Variants in IMMP2L observed in about 807,000 individuals in gnomAD.
IMMP2L encodes the protein mitochondrial inner membrane protease subunit 2.
In IMMP2L, 18 loss-of-function variants were observed where a neutral mutation model predicts 19.3. The observed-to-expected ratio is 0.93, with a 90% CI of 0.64 to 1.38. IMMP2L has a LOEUF of 1.38. Ranked by LOEUF, IMMP2L falls within the 40% of genes most tolerant of loss-of-function variation. IMMP2L has a pLI of 0.00. For missense variants in IMMP2L, 233 were observed against 218.2 expected, an observed-to-expected ratio of 1.07 and a Z score of -0.43; for synonymous variants, 76 against 73.0, an observed-to-expected ratio of 1.04 and a Z score of -0.21.
At chr7:111,059,449 A>G (rs1793811989) in intron 3 of IMMP2L, among the ~76,000 whole-genome samples, 1 of 152,218 alleles carries the variant, frequency 6.6e-6, no homozygotes, top group African/African-American at 2.4e-5. Flanking sequence ...AGGGAAAAGT[A>G]AGCATTTTCC....
intron 3 of IMMP2L, among the ~76,000 whole-genome samples, chr7:111,076,777 A>C (rs1332954441): frequency 6.6e-6 from 1 of 152,108 alleles, no homozygotes; most frequent in Non-Finnish European, 1.5e-5. Flanking sequence ...TTGTTTACTT[A>C]ATGCACCTAC....
intron 3 of IMMP2L, among the ~76,000 whole-genome samples, chr7:111,484,786 G>C (rs1842485210): frequency 6.6e-6 from 1 of 152,046 alleles, no homozygotes; most frequent in Non-Finnish European, 1.5e-5. Context: ...TTCATCATAA[G>C]ACTAAAAAGA....
chr7:110,704,747 T>C (rs1461971721), intron 5 of IMMP2L, among the ~76,000 whole-genome samples: 2 of 152,196 alleles, frequency 1.3e-5, no homozygotes, highest in Non-Finnish European at 2.9e-5. Flanking sequence ...TCAGGAAAAG[T>C]AAACTCAGAA....
intron 5 of IMMP2L, among the ~76,000 whole-genome samples, chr7:110,702,167 T>C (rs997122366): frequency 6.6e-6 from 1 of 152,010 alleles, no homozygotes. Flanking sequence ...ACTCCTGGAC[T>C]CAAGTGATCC....
At chr7:111,473,559 A>G (rs1304648719) in intron 3 of IMMP2L, among the ~76,000 whole-genome samples, 2 of 152,182 alleles carry the variant, frequency 1.3e-5, no homozygotes, top group African/African-American at 4.8e-5. Context: ...AGCTACAGAG[A>G]ATCACTGCTC....
intron 4 of IMMP2L, among the ~76,000 whole-genome samples, chr7:110,938,451 G>A (rs1044740229): frequency 2.6e-5 from 4 of 152,168 alleles, no homozygotes; most frequent in African/African-American, 9.7e-5. Context: ...AGACTGGACA[G>A]GAAACACATT....
At chr7:111,208,414 TTTAAA>T (rs1810954571) in intron 3 of IMMP2L, among the ~76,000 whole-genome samples, 1 of 152,210 alleles carries the variant, frequency 6.6e-6, no homozygotes, top group Non-Finnish European at 1.5e-5. Flanking sequence ...TAATAGACCC[TTTAAA>T]TTATTTTATT....
intron 5 of IMMP2L, among the ~76,000 whole-genome samples, chr7:110,820,376 T>G (rs1802914992): frequency 6.6e-6 from 1 of 151,978 alleles, no homozygotes; most frequent in Non-Finnish European, 1.5e-5. Context: ...CAAGAAAATC[T>G]CTTCTTATGT....
At chr7:111,242,770 G>C (rs894474560) in intron 3 of IMMP2L, among the ~76,000 whole-genome samples, 5 of 151,812 alleles carry the variant, frequency 3.3e-5, no homozygotes, top group Non-Finnish European at 7.4e-5. Flanking sequence ...GATTAAAAAA[G>C]AGAAATTCTG....
chr7:111,456,760 T>A (rs1431007533), intron 3 of IMMP2L, among the ~76,000 whole-genome samples: 1 of 144,708 alleles, frequency 6.9e-6, no homozygotes, highest in East Asian at 2.0e-4. Context: ...TGGCCTTGAT[T>A]CTCACAGTTA....
chr7:111,261,931 G>A (rs1393949025), intron 3 of IMMP2L, among the ~76,000 whole-genome samples: 1 of 152,264 alleles, frequency 6.6e-6, no homozygotes, highest in East Asian at 1.9e-4. Flanking sequence ...AAGCTGGAGA[G>A]AGAGATATGA....
chr7:111,024,332 A>C (rs1252515342), intron 3 of IMMP2L, among the ~76,000 whole-genome samples: 1 of 152,296 alleles, frequency 6.6e-6, no homozygotes, highest in East Asian at 1.9e-4. Context: ...ATCAGGACTC[A>C]GCTGACTACT....
At chr7:110,721,751 A>C (rs1434621189) in intron 5 of IMMP2L, among the ~76,000 whole-genome samples, 1 of 152,134 alleles carries the variant, frequency 6.6e-6, no homozygotes, top group African/African-American at 2.4e-5. Context: ...ACAAGTATTA[A>C]CAGAATGGTG....
rs373191915 is a variant in IMMP2L at position 111,155,165 on chromosome 7, T to A, written c.240-191600A>T. Reference sequence around the variant, plus strand: ...ATCAAGATGAATATGGCTTTTCTGTTTCTGAATTTGTTGTAAGAAACAGAA... The same window carrying A: ...ATCAAGATGAATATGGCTTTTCTGTATCTGAATTTGTTGTAAGAAACAGAA... On this transcript the variant is annotated intron_variant, in intron 3 of 5. Transcript: ENST00000405709. Among the ~76,000 whole-genome samples the A allele has an allele frequency of 3.3e-5, 5 of 152,126 alleles. No individual in the cohort carries two copies. In the East Asian group the frequency reaches 5.8e-4, roughly 18 times the overall value.
chr7:110,772,738 G>A (rs1236212099), intron 5 of IMMP2L, among the ~76,000 whole-genome samples: 3 of 152,086 alleles, frequency 2.0e-5, no homozygotes, highest in Non-Finnish European at 4.4e-5. Flanking sequence ...AGTTGGTCTT[G>A]ACTCCCCCAC....
At chr7:110,888,468 T>G (rs1022586282) in intron 4 of IMMP2L, among the ~76,000 whole-genome samples, 3 of 152,196 alleles carry the variant, frequency 2.0e-5, no homozygotes, top group Non-Finnish European at 4.4e-5. Flanking sequence ...TTACCAATTT[T>G]GTCTCTTCAA....
chr7:111,221,874 G>GC (rs1812555925), intron 3 of IMMP2L, among the ~76,000 whole-genome samples: 1 of 151,952 alleles, frequency 6.6e-6, no homozygotes, highest in Non-Finnish European at 1.5e-5. Flanking sequence ...GAATAGCATA[G>GC]CATTAGGCCA....
chr7:110,964,537 C>A (rs1819334816), intron 3 of IMMP2L, among the ~76,000 whole-genome samples: 1 of 151,948 alleles, frequency 6.6e-6, no homozygotes, highest in Admixed American at 6.6e-5. Flanking sequence ...ATACAGACAT[C>A]ATTTATTTCA....
intron 3 of IMMP2L, among the ~76,000 whole-genome samples, chr7:111,194,376 T>C (rs956694900): frequency 1.3e-5 from 2 of 152,182 alleles, no homozygotes; most frequent in African/African-American, 4.8e-5. Context: ...TCAACACTCA[T>C]TTATCTTGCC....
Sources: gnomAD v4.1 joint callset for allele counts (sites outside exome capture counted in the v4.1 genomes callset) on GRCh38, gnomAD v4.1.1 for gene constraint, MANE v1.5 for transcripts, NCBI Gene and HGNC (gene_info 2026-07-23, HGNC 2026-07-21) for gene names.